Variants in DRP2 observed in about 807,000 individuals in gnomAD.
DRP2 encodes dystrophin-related protein 2.
DRP2 carries 29 observed loss-of-function variants against 78.2 expected under a neutral mutation model. The observed-to-expected ratio is 0.37, with a 90% confidence interval of 0.28 to 0.51. DRP2 has a LOEUF of 0.51. DRP2 is among the 20% of genes least tolerant of loss of function. The pLI is 0.94. For synonymous variants in DRP2, 290 were observed against 281.9 expected (o/e 1.03, Z -0.29); for missense variants, 686 against 770.6 (o/e 0.89, Z 1.30).
rs189614616 is a variant in DRP2, at chrX:101,251,156, A to G, written c.1865+73A>G. ...TGACATATAACTCAGATATTAAAAA[A>G]TAAAGTGTCACCTAATTATTATATA... On this transcript the variant is annotated intron_variant, in intron 16 of 23. Transcript: ENST00000395209. 1.1e-3 allele frequency: 1,112 copies of G among 974,430 alleles called. 16 individuals carry two copies. The East Asian group carries it at 0.029, about 26-fold the overall frequency. 80.3% of individuals were successfully genotyped at this position (974,430 alleles called of 1,213,427 possible).
rs1169896029 is a variant in DRP2 at position 101,250,964 on chromosome X, C to A, written c.1746C>A (p.Val582=). ...AAGCATCCCAGTTCCTGGAGTGGGT[C>A]AACCTGGAGCCCCAGTCCATGGTGT... ...VIEASQFLEW[V]NLEPQSMVWL... The change falls in exon 16 of 24, where the codon GTC becomes GTA. Residue 582 remains valine, a synonymous_variant. Coordinates refer to ENST00000395209, the MANE Select transcript of DRP2 (RefSeq NM_001939.3). 8.3e-7 allele frequency: 1 copy of A among 1,209,994 alleles called. No homozygotes were observed. The highest frequency in any genetic ancestry group is 1.8e-5 in the African/African-American group (1 of 57,130).
chrX:101,242,499 G>A, intron 8 of DRP2, 28 bp downstream of exon 8: 1 of 1,192,759 alleles, frequency 8.4e-7, no homozygotes, highest in Non-Finnish European at 1.1e-6. Context: ...AGTGAACCAT[G>A]GGGAGGTGCC....
In DRP2 at chrX:101,263,470, G is replaced by A. The variant is rs1378288584; in HGVS notation, c.*2849G>A. 4 of 111,822 alleles carry A rather than the reference G, an allele frequency of 3.6e-5. No homozygotes were observed. The highest frequency in any genetic ancestry group is 7.5e-5 in the Non-Finnish European group (4 of 53,174). The allele number at this position is 111,822 out of a possible 1,213,427, so 9.2% of individuals were successfully genotyped here. ...GTCAAATAGTATCAGAGAACAGTTA[G>A]GACTGAGAGGTGATTTCTTCTTGAC... On this transcript the variant is annotated 3_prime_UTR_variant, in exon 24 of 24. Coordinates refer to ENST00000395209, the MANE Select transcript of DRP2 (RefSeq NM_001939.3).
intron 4 of DRP2, 68 bp downstream of exon 4, chrX:101,236,091 C>G (rs1379827746): frequency 2.7e-6 from 3 of 1,118,106 alleles, no homozygotes; most frequent in East Asian, 6.0e-5. Context: ...TGCACCCTGT[C>G]CTTCTCCTCT....
At chrX:101,222,463 A>T (rs2147325194) in intron 1 of DRP2, among the ~76,000 whole-genome samples, 1 of 112,387 alleles carries the variant, frequency 8.9e-6, no homozygotes, top group South Asian at 3.7e-4. Context: ...CCCATAGCTG[A>T]TGAGAATCTG....
At chrX:101,245,277 C>T (rs1237521384) in intron 10 of DRP2, 111 bp from the exon 11 acceptor site, 5 of 881,252 alleles carry the variant, frequency 5.7e-6, no homozygotes, top group African/African-American at 3.9e-5. Flanking sequence ...GGTTTACCCT[C>T]GAACCCTGCA....
chrX:101,239,243 G>C, intron 6 of DRP2, 142 bp downstream of exon 6: 1 of 817,283 alleles, frequency 1.2e-6, no homozygotes, highest in Non-Finnish European at 1.7e-6. Context: ...ATCCAAAGTT[G>C]GGGGGAAGCA....
Position 101,228,990 on chromosome X carries a change from C to T in DRP2, c.-63-2595C>T, listed in dbSNP as rs776057637. Among the ~76,000 whole-genome samples the T allele has an allele frequency of 4.5e-5, 5 of 111,283 alleles. No homozygotes were observed. In the East Asian group the frequency reaches 8.4e-4, roughly 19 times the overall value. ...AATGGCAAGTGAAAAAAGCAGGCTA[C>T]GAAATGATAGCATGTGATGGCGATT... On this transcript the variant is annotated intron_variant, in intron 2 of 23. Transcript: ENST00000395209.
At chrX:101,242,271 A>G (rs758976520) in intron 7 of DRP2, 54 bp from the exon 8 acceptor site, 1 of 1,185,983 alleles carries the variant, frequency 8.4e-7, no homozygotes, top group African/African-American at 1.8e-5. Flanking sequence ...TGAATGACTA[A>G]TGTTTCTTCT....
chrX:101,238,941 A>G lies in DRP2; in HGVS notation c.439-40A>G, dbSNP rs1922607682. 7 of 1,194,264 alleles carry G rather than the reference A, an allele frequency of 5.9e-6. No individual in the cohort carries two copies. The African/African-American group carries it at 1.2e-4, about 21-fold the overall frequency. On this transcript the variant is annotated intron_variant, in intron 5 of 23. Coordinates refer to ENST00000395209, the MANE Select transcript of DRP2 (RefSeq NM_001939.3). ...AGGATGGAATGTAAAGTGATTGAAA[A>G]ACTTTCCTTTCCTGTTGACCATATT...
At chrX:101,239,582 A>AT (rs1276940629) in intron 6 of DRP2, among the ~76,000 whole-genome samples, 13 of 109,252 alleles carry the variant, frequency 1.2e-4, no homozygotes, top group South Asian at 4.0e-4. Flanking sequence ...CATCTCTACA[A>AT]TTTTTTTTTG....
In DRP2 at chrX:101,247,993, C is replaced by A. The variant is rs1479130858; in HGVS notation, c.1253-96C>A. On this transcript the variant is annotated intron_variant, in intron 12 of 23. Coordinates refer to ENST00000395209, the MANE Select transcript of DRP2 (RefSeq NM_001939.3). ...CAAATGGTTGATCTGGAGATTGAGTCAAATTTGGTGATGCTGGTGGCTTTA... is the reference window on the plus strand; with the variant it reads ...CAAATGGTTGATCTGGAGATTGAGTAAAATTTGGTGATGCTGGTGGCTTTA... 7 of 788,656 alleles carry A rather than the reference C, an allele frequency of 8.9e-6. 1 individual carries two copies. In the Admixed American group the frequency reaches 1.5e-4, roughly 17 times the overall value. The allele number at this position is 788,656 out of a possible 1,213,427, so 65.0% of individuals were successfully genotyped here. A position where few individuals can be genotyped will look rare whatever the true frequency, so the allele number is the denominator to read the frequency against.
intron 2 of DRP2, among the ~76,000 whole-genome samples, chrX:101,229,746 C>A (rs748200453): frequency 2.2e-4 from 24 of 111,222 alleles, no homozygotes; most frequent in Non-Finnish European, 4.1e-4. Flanking sequence ...TGTGTCTTTG[C>A]CCCACACTAA....
chrX:101,230,125 T>C (rs1038627899), intron 2 of DRP2, among the ~76,000 whole-genome samples: 1 of 112,393 alleles, frequency 8.9e-6, no homozygotes, highest in African/African-American at 3.2e-5. Context: ...AGAGTCATGC[T>C]GTCTGCTTCA....
intron 6 of DRP2, among the ~76,000 whole-genome samples, chrX:101,239,349 G>A (rs1382778408): frequency 1.8e-5 from 2 of 111,691 alleles, no homozygotes; most frequent in Non-Finnish European, 3.8e-5. Context: ...CTTTGGAGCA[G>A]CATGTGTGGC....
At chrX:101,258,142 T>A (rs1923415199) in intron 21 of DRP2, among the ~76,000 whole-genome samples, 167 bp from the exon 22 acceptor site, 1 of 90,371 alleles carries the variant, frequency 1.1e-5, no homozygotes, top group Non-Finnish European at 2.1e-5. Context: ...AGGAAGTGGA[T>A]GTGGCCATTC....
At chrX:101,228,476 A>G (rs1368404794) in intron 2 of DRP2, among the ~76,000 whole-genome samples, 5 of 111,644 alleles carry the variant, frequency 4.5e-5, no homozygotes, top group African/African-American at 1.6e-4. Flanking sequence ...GCAGATGAGG[A>G]CACTGAGGCT....
intron 1 of DRP2, among the ~76,000 whole-genome samples, chrX:101,224,181 GGTTTTTTTTGTTTTTTTT>G (rs1489992925): frequency 2.9e-4 from 14 of 47,658 alleles, no homozygotes; most frequent in African/African-American, 1.2e-3. Context: ...ATGTTTGCTG[GGTTTTTTTTGTTTTTTTT>G]TTTTTTTTTT....
intron 21 of DRP2, among the ~76,000 whole-genome samples, chrX:101,256,707 C>G (rs1307969786): frequency 2.3e-5 from 2 of 85,848 alleles, no homozygotes; most frequent in African/African-American, 1.0e-4. Flanking sequence ...CACCACCATG[C>G]CTGGCTAATT....
Sources: allele counts gnomAD v4.1 joint callset (sites outside exome capture counted in the v4.1 genomes callset), GRCh38; gene constraint gnomAD v4.1.1; transcripts MANE v1.5; gene names NCBI Gene and HGNC (gene_info 2026-07-23, HGNC 2026-07-21).